The following IL26 variants were observed in gnomAD, a reference collection of about 807,000 sequenced individuals.
The protein encoded by IL26 is interleukin 26, also known as interleukin-26.
IL26 carries 23 observed loss-of-function variants against 21.7 expected under a neutral mutation model. That is an observed-to-expected ratio of 1.06 (90% CI 0.76 to 1.50). The LOEUF is 1.50. Among genes scored for constraint, IL26 ranks in the 40% most tolerant of loss-of-function variants. IL26 has a pLI of 0.00. For synonymous variants in IL26, 63 were observed against 67.8 expected (o/e 0.93, Z 0.34); for missense variants, 204 against 196.0 (o/e 1.04, Z -0.24).
chr12:68,219,721 A>G (rs11571004), intron 3 of IL26, among the ~76,000 whole-genome samples: 185 of 152,078 alleles, frequency 1.2e-3, no homozygotes, highest in African/African-American at 4.3e-3. Context: ...AATGTTCAGA[A>G]TAAAAATCAC....
In IL26 at chr12:68,225,514, A is replaced by C; in HGVS notation, c.172-14T>G. ...TATGCGGTCTTCCTACAATAATACA[A>C]AGAGAAATAAGTTGTATCCAAGATT... On this transcript the variant is annotated splice_polypyrimidine_tract_variant and intron_variant, in intron 1 of 4. Coordinates refer to ENST00000229134, the MANE Select transcript of IL26 (RefSeq NM_018402.2). 1 of 1,600,118 alleles carries C rather than the reference A, an allele frequency of 6.2e-7. No homozygotes were observed. The highest frequency in any genetic ancestry group is 1.3e-5 in the African/African-American group (1 of 74,602).
chr12:68,225,245 G>A lies in IL26; in HGVS notation c.267C>T (p.Phe89=). 5 of 1,613,346 alleles carry A rather than the reference G, an allele frequency of 3.1e-6. No individual in the cohort carries two copies. The highest frequency in any genetic ancestry group is 3.4e-6 in the Non-Finnish European group (4 of 1,179,706). ...GCAGTTGACCAAAAACGTCTTCCATGAAGAAGGACAGAAGCTGTTCTTGAA... is the reference window on the plus strand; with the variant it reads ...GCAGTTGACCAAAAACGTCTTCCATAAAGAAGGACAGAAGCTGTTCTTGAA... ...CQFQEQLLSF[F]MEDVFGQLQL... is the part of the protein sequence containing the mutation. The change falls in exon 3 of 5, where the codon TTC becomes TTT. Residue 89 remains phenylalanine, a synonymous_variant. Transcript: ENST00000229134.
chr12:68,223,165 C>T (rs1421605513), intron 3 of IL26, among the ~76,000 whole-genome samples: 1 of 152,150 alleles, frequency 6.6e-6, no homozygotes, highest in Non-Finnish European at 1.5e-5. Context: ...CACGGGGGAG[C>T]TTGCTTTACC....
intron 3 of IL26, among the ~76,000 whole-genome samples, chr12:68,221,018 C>T (rs2120470760): frequency 6.6e-6 from 1 of 152,298 alleles, no homozygotes; most frequent in Middle Eastern, 3.4e-3. Context: ...CAGAAACATT[C>T]TGATCTTATG....
chr12:68,204,141 A>ATT (rs6144754), intron 3 of IL26, among the ~76,000 whole-genome samples: 4,634 of 113,142 alleles, frequency 0.041, 302 homozygotes, highest in South Asian at 0.076. Flanking sequence ...GGATTCAAAG[A>ATT]TTTTTTTTTT....
intron 3 of IL26, among the ~76,000 whole-genome samples, chr12:68,215,612 T>G (rs1868853137): frequency 6.6e-6 from 1 of 152,150 alleles, no homozygotes; most frequent in Non-Finnish European, 1.5e-5. Flanking sequence ...GCAAAACAAT[T>G]CAATAACATA....
Position 68,223,283 on chromosome 12 carries a change from A to G in IL26, c.363+1866T>C, listed in dbSNP as rs572382026. ...GCGGAGTTACGTGTTGCCTAGCGAG[A>G]TTGATGAGATGATGTGTTCGTATTT... On this transcript the variant is annotated intron_variant, in intron 3 of 4. Transcript: ENST00000229134. Among the ~76,000 whole-genome samples the G allele has an allele frequency of 7.7e-4, 117 of 152,232 alleles. 1 individual carries two copies. The highest frequency in any genetic ancestry group is 3.4e-3 in the Middle Eastern group (1 of 294).
At chr12:68,214,753 C>G (rs1868826668) in intron 3 of IL26, among the ~76,000 whole-genome samples, 1 of 152,122 alleles carries the variant, frequency 6.6e-6, no homozygotes, top group Non-Finnish European at 1.5e-5. Flanking sequence ...TTATAGGTGG[C>G]ATATTGTTTG....
intron 3 of IL26, among the ~76,000 whole-genome samples, chr12:68,213,301 G>C (rs4590962): frequency 0.18 from 27,758 of 151,854 alleles, 3,349 homozygotes; most frequent in East Asian, 0.56. Context: ...GAGGATTTTT[G>C]TGTTTGTTTT....
At chr12:68,224,053 A>G (rs1315411631) in intron 3 of IL26, among the ~76,000 whole-genome samples, 1 of 146,024 alleles carries the variant, frequency 6.8e-6, no homozygotes, top group African/African-American at 2.7e-5. Flanking sequence ...CCCCCCTCTA[A>G]TGGCCCAGTG....
chr12:68,222,723 C>T (rs1163081766), intron 3 of IL26, among the ~76,000 whole-genome samples: 3 of 152,106 alleles, frequency 2.0e-5, no homozygotes, highest in African/African-American at 7.2e-5. Context: ...AGGGACTTGA[C>T]CAATTGTGAC....
chr12:68,222,594 C>T (rs184278645), intron 3 of IL26, among the ~76,000 whole-genome samples: 1 of 152,272 alleles, frequency 6.6e-6, no homozygotes, highest in Admixed American at 6.5e-5. Flanking sequence ...CCTTCTGTCT[C>T]CCGATCGTGG....
intron 3 of IL26, among the ~76,000 whole-genome samples, chr12:68,224,745 AAGGGAGAG>A (rs1375243696): frequency 2.8e-5 from 4 of 144,914 alleles, no homozygotes; most frequent in South Asian, 4.6e-4. Flanking sequence ...GGGAGGGAAG[AAGGGAGAG>A]AGGGAGAGAG....
At chr12:68,204,872 T>C (rs1216105633) in intron 3 of IL26, among the ~76,000 whole-genome samples, 1 of 152,236 alleles carries the variant, frequency 6.6e-6, no homozygotes, top group East Asian at 1.9e-4. Flanking sequence ...CAGATTTTAC[T>C]GCCGTAATTC....
chr12:68,205,204 G>T (rs924155994), intron 3 of IL26, among the ~76,000 whole-genome samples: 1 of 151,938 alleles, frequency 6.6e-6, no homozygotes, highest in Non-Finnish European at 1.5e-5. Flanking sequence ...ATACAGCAAT[G>T]CCTCTGCCAT....
At chr12:68,205,653 G>A (rs1021924591) in intron 3 of IL26, among the ~76,000 whole-genome samples, 29 of 152,118 alleles carry the variant, frequency 1.9e-4, no homozygotes, top group African/African-American at 6.8e-4. Context: ...GAAGTGGAAG[G>A]GGAGGCAGGA....
intron 3 of IL26, among the ~76,000 whole-genome samples, chr12:68,211,863 A>G (rs1261047916): frequency 6.6e-6 from 1 of 152,050 alleles, no homozygotes; most frequent in East Asian, 1.9e-4. Context: ...TTTGCTGGGC[A>G]GAGGATTTTT....
intron 3 of IL26, among the ~76,000 whole-genome samples, chr12:68,211,846 T>A (rs1868740661): frequency 6.6e-6 from 1 of 152,154 alleles, no homozygotes; most frequent in Non-Finnish European, 1.5e-5. Context: ...CTTTGTCGAT[T>A]GTTTCCTTTG....
At chr12:68,221,747 T>C (rs1347239969) in intron 3 of IL26, among the ~76,000 whole-genome samples, 1 of 152,240 alleles carries the variant, frequency 6.6e-6, no homozygotes, top group African/African-American at 2.4e-5. Context: ...TAAGTTTTTC[T>C]TTCTGGTGAT....
Sources: gnomAD v4.1 joint callset for allele counts (sites outside exome capture counted in the v4.1 genomes callset) on GRCh38, gnomAD v4.1.1 for gene constraint, MANE v1.5 for transcripts, NCBI Gene and HGNC (gene_info 2026-07-23, HGNC 2026-07-21) for gene names.